Variants in UBE2E2 observed in about 807,000 individuals in gnomAD.
UBE2E2 encodes ubiquitin-conjugating enzyme E2 E2.
A neutral mutation model predicts 24.7 loss-of-function variants in UBE2E2; 6 were observed. That is an observed-to-expected ratio of 0.24 (90% CI 0.13 to 0.48). The LOEUF (loss-of-function observed/expected upper bound fraction) is 0.48, where lower values mean the gene tolerates loss of function less well. Among genes scored for constraint, UBE2E2 ranks in the 20% least tolerant of loss-of-function variants. The probability of loss-of-function intolerance (pLI) is 0.99; values close to 1 mark genes in which losing one functional copy is unlikely to be tolerated. For missense variants in UBE2E2, 169 were observed against 245.0 expected, an observed-to-expected ratio of 0.69 and a Z score of 2.07; for synonymous variants, 104 against 83.6, an observed-to-expected ratio of 1.24 and a Z score of -1.33.
chr3:23,366,397 G>A (rs147547374), intron 3 of UBE2E2, among the ~76,000 whole-genome samples: 210 of 152,248 alleles, frequency 1.4e-3, no homozygotes, highest in African/African-American at 4.7e-3. Flanking sequence ...CAAAGTCTTG[G>A]AATCAACCTA....
At chr3:23,352,084 C>G (rs946563420) in intron 3 of UBE2E2, among the ~76,000 whole-genome samples, 2 of 152,158 alleles carry the variant, frequency 1.3e-5, no homozygotes, top group South Asian at 2.1e-4. Flanking sequence ...GAAACTCACT[C>G]AAAACCGTGC....
At chr3:23,547,164 C>T (rs1355522675) in intron 5 of UBE2E2, among the ~76,000 whole-genome samples, 2 of 152,218 alleles carry the variant, frequency 1.3e-5, no homozygotes, top group African/African-American at 4.8e-5. Flanking sequence ...TTTACAGCTT[C>T]TCTCAAGAGA....
At chr3:23,204,062 A>C (rs997336342) in intron 1 of UBE2E2, among the ~76,000 whole-genome samples, 1 of 151,496 alleles carries the variant, frequency 6.6e-6, no homozygotes, top group Non-Finnish European at 1.5e-5. Flanking sequence ...ACCGAAGCCC[A>C]TTTTTCTCTG....
At chr3:23,341,733 T>C (rs539937545) in intron 3 of UBE2E2, among the ~76,000 whole-genome samples, 12 of 152,294 alleles carry the variant, frequency 7.9e-5, no homozygotes, top group African/African-American at 2.6e-4. Context: ...AAAAATACTT[T>C]AGTAATTTTA....
At chr3:23,377,826 T>A (rs541907740) in intron 3 of UBE2E2, among the ~76,000 whole-genome samples, 2 of 152,348 alleles carry the variant, frequency 1.3e-5, no homozygotes, top group East Asian at 3.9e-4. Context: ...TTAGTAAATA[T>A]TATTTGTTTT....
At chr3:23,326,430 T>C (rs1293991488) in intron 3 of UBE2E2, among the ~76,000 whole-genome samples, 1 of 152,196 alleles carries the variant, frequency 6.6e-6, no homozygotes, top group Non-Finnish European at 1.5e-5. Context: ...TCAAGATTTT[T>C]CAAAACATTT....
intron 3 of UBE2E2, among the ~76,000 whole-genome samples, chr3:23,494,373 T>C (rs1231467179): frequency 1.3e-5 from 2 of 152,232 alleles, no homozygotes; most frequent in Admixed American, 6.5e-5. Flanking sequence ...CATTAATAAT[T>C]ATTAAATTAA....
intron 3 of UBE2E2, among the ~76,000 whole-genome samples, chr3:23,340,361 A>G (rs1009913416): frequency 8.5e-5 from 13 of 152,266 alleles, no homozygotes; most frequent in Non-Finnish European, 1.3e-4. Context: ...TGCATCTACT[A>G]TGCACTATAT....
intron 5 of UBE2E2, among the ~76,000 whole-genome samples, chr3:23,545,515 T>G (rs1298379260): frequency 1.3e-5 from 2 of 152,038 alleles, no homozygotes; most frequent in Admixed American, 6.6e-5. Context: ...GATCATAGAT[T>G]AACAGAATCT....
chr3:23,513,181 C>T (rs2125467381), intron 4 of UBE2E2, among the ~76,000 whole-genome samples: 1 of 152,128 alleles, frequency 6.6e-6, no homozygotes, highest in South Asian at 2.1e-4. Flanking sequence ...GACATCACTA[C>T]TTCTTGTAGT....
chr3:23,367,259 G>C (rs1263630416), intron 3 of UBE2E2, among the ~76,000 whole-genome samples: 1 of 152,124 alleles, frequency 6.6e-6, no homozygotes, highest in Non-Finnish European at 1.5e-5. Context: ...CCAGTTTCTT[G>C]GTATTAGAAA....
At chr3:23,402,388 T>TA (rs1308879458) in intron 3 of UBE2E2, among the ~76,000 whole-genome samples, 1 of 152,164 alleles carries the variant, frequency 6.6e-6, no homozygotes, top group Non-Finnish European at 1.5e-5. Flanking sequence ...AACAATTTAC[T>TA]AAAAAACCAT....
chr3:23,440,242 C>G (rs933201223), intron 3 of UBE2E2, among the ~76,000 whole-genome samples: 1 of 152,050 alleles, frequency 6.6e-6, no homozygotes, highest in Non-Finnish European at 1.5e-5. Flanking sequence ...CCACTGCACT[C>G]TAGCCTGAGT....
At chr3:23,213,481 G>A (rs866299774) in intron 2 of UBE2E2, among the ~76,000 whole-genome samples, 1 of 151,928 alleles carries the variant, frequency 6.6e-6, no homozygotes. Context: ...TTCCTGGAAC[G>A]GTTAAGGTAT....
intron 5 of UBE2E2, among the ~76,000 whole-genome samples, chr3:23,572,236 T>C (rs933853107): frequency 1.3e-5 from 2 of 152,182 alleles, no homozygotes; most frequent in African/African-American, 4.8e-5. Flanking sequence ...TACTTAATCT[T>C]TCTGGTTTGG....
intron 5 of UBE2E2, among the ~76,000 whole-genome samples, chr3:23,574,761 G>A (rs1696308347): frequency 1.3e-5 from 2 of 152,112 alleles, no homozygotes; most frequent in Non-Finnish European, 1.5e-5. Flanking sequence ...TATTTAAGAA[G>A]CAGACATAAG....
intron 5 of UBE2E2, among the ~76,000 whole-genome samples, chr3:23,572,057 G>A (rs546746644): frequency 2.0e-4 from 30 of 152,252 alleles, no homozygotes; most frequent in Non-Finnish European, 8.8e-5. Context: ...AGTATCCCTG[G>A]TTATTGATTC....
intron 3 of UBE2E2, among the ~76,000 whole-genome samples, chr3:23,247,457 C>T (rs546806876): frequency 2.0e-5 from 3 of 151,694 alleles, no homozygotes; most frequent in Middle Eastern, 3.4e-3. Flanking sequence ...CGCGTACAAG[C>T]GATTCTCCTG....
chr3:23,354,775 T>C (rs36183485), intron 3 of UBE2E2, among the ~76,000 whole-genome samples: 11,139 of 152,252 alleles, frequency 0.073, 524 homozygotes, highest in Non-Finnish European at 0.088. Context: ...TTTTACACTG[T>C]TGGTGGGAAT....
Sources: allele counts gnomAD v4.1 joint callset (sites outside exome capture counted in the v4.1 genomes callset), GRCh38; gene constraint gnomAD v4.1.1; transcripts MANE v1.5; gene names NCBI Gene and HGNC (gene_info 2026-07-23, HGNC 2026-07-21).